SLC30A5: variants seen among roughly 807,000 people sequenced by gnomAD.
SLC30A5 encodes proton-coupled zinc antiporter SLC30A5.
Under a neutral mutation model 79.6 loss-of-function variants are expected in SLC30A5, and 33 were observed. The observed-to-expected ratio is 0.41, with a 90% confidence interval of 0.31 to 0.55. The LOEUF (loss-of-function observed/expected upper bound fraction) is 0.55, where lower values mean the gene tolerates loss of function less well. Among genes scored for constraint, SLC30A5 ranks in the 20% least tolerant of loss-of-function variants. The probability of loss-of-function intolerance (pLI) is 0.20; values close to 1 mark genes in which losing one functional copy is unlikely to be tolerated. For missense variants in SLC30A5, 788 were observed against 928.1 expected, an observed-to-expected ratio of 0.85 and a Z score of 1.96; for synonymous variants, 299 against 319.7, an observed-to-expected ratio of 0.94 and a Z score of 0.69.
rs1746340611 is a variant in SLC30A5 at position 69,115,413 on chromosome 5, A to T, written c.783+6A>T. On this transcript the variant is annotated splice_donor_region_variant and intron_variant, in intron 8 of 15. Transcript: ENST00000396591. ...TTCTTTCTGTGACAACTGAGGTAAGATAAGAGCAAGAATTTATTGGTATTA... is the reference window on the plus strand; with the variant it reads ...TTCTTTCTGTGACAACTGAGGTAAGTTAAGAGCAAGAATTTATTGGTATTA... The T allele has an allele frequency of 6.2e-7, 1 of 1,605,208 alleles. No individual in the cohort carries two copies. Among genetic ancestry groups the T allele is most frequent in the Admixed American group, 1.7e-5 (1 of 59,514 alleles).
rs74386912 is a variant in SLC30A5, at chr5:69,129,476, A to G, written c.2157A>G (p.Val719=). The stretch of plus-strand genomic sequence containing the variant: ...CAGGAATACTTAAAGATGCTGGAGT[A>G]AACAATTTAACAATTCAAGTGGAAA... ...QVTGILKDAG[V]NNLTIQVEKE... Residue 719 remains valine (V), a synonymous_variant, in exon 16 of 16, where the codon GTA becomes GTG. Coordinates refer to ENST00000396591, the MANE Select transcript of SLC30A5 (RefSeq NM_022902.5). The G allele has an allele frequency of 1.9e-3, 3,086 of 1,612,830 alleles. 57 individuals are homozygous for G. In the African/African-American group the frequency reaches 0.037, roughly 19 times the overall value.
In SLC30A5 at chr5:69,121,847, G is replaced by T. The variant is rs761204737; in HGVS notation, c.1723G>T (p.Gly575Cys). 6.2e-7 allele frequency: 1 copy of T among 1,613,706 alleles called. No homozygotes were observed. The highest frequency in any genetic ancestry group is 8.5e-7 in the Non-Finnish European group (1 of 1,179,878). The change falls in exon 13 of 16, where the codon GGT (glycine) becomes TGT (cysteine). Residue 575 changes from glycine (G) to cysteine (C), a missense_variant. Around this residue, in one of 3 missense-constraint regions of SLC30A5, gnomAD observed 626 missense variants for 755.5 expected, o/e 0.83. Transcript: ENST00000396591. ...GCATGGACACAGTGACCATGGGCAT[G>T]GTCACAGCCACGGATCTGCGGGTGG... ...HMHGHSDHGH[G>C]HSHGSAGGGM...
chr5:69,128,169 C>T, intron 15 of SLC30A5, 37 bp downstream of exon 15: 2 of 1,525,150 alleles, frequency 1.3e-6, no homozygotes, highest in Non-Finnish European at 1.8e-6. Context: ...TAATTGAGGT[C>T]ATTCATACCC....
In SLC30A5 at chr5:69,100,819, T is replaced by C; in HGVS notation, c.96T>C (p.Tyr32=). Reference sequence around the variant, plus strand: ...TTTTATTTTTCAGATTAACAAAATATATTGTGTTACTATGTTTCACTAAAT... The same window carrying C: ...TTTTATTTTTCAGATTAACAAAATACATTGTGTTACTATGTTTCACTAAAT... ...VDVPSARLTK[Y]IVLLCFTKFL... Residue 32 remains tyrosine, a synonymous_variant, in exon 2 of 16, where the codon TAT becomes TAC. Transcript: ENST00000396591. 1 of 1,597,796 alleles carries C rather than the reference T, an allele frequency of 6.3e-7. No individual in the cohort carries two copies. Among genetic ancestry groups the C allele is most frequent in the Non-Finnish European group, 8.6e-7 (1 of 1,168,478 alleles).
intron 4 of SLC30A5, 71 bp from the exon 5 acceptor site, chr5:69,108,278 C>T: frequency 8.5e-7 from 1 of 1,180,066 alleles, no homozygotes; most frequent in Non-Finnish European, 1.2e-6. Flanking sequence ...CTTTCTCTAA[C>T]TCTAGTTGAA....
At chr5:69,099,274 T>C (rs1561286159) in intron 1 of SLC30A5, among the ~76,000 whole-genome samples, 1 of 152,248 alleles carries the variant, frequency 6.6e-6, no homozygotes, top group African/African-American at 2.4e-5. Context: ...CCGTAATTGT[T>C]AATGTATCGT....
At chr5:69,115,197 G>A in intron 7 of SLC30A5, 40 bp from the exon 8 acceptor site, 1 of 1,206,640 alleles carries the variant, frequency 8.3e-7, no homozygotes, top group South Asian at 1.2e-5. Flanking sequence ...CTGTTGAACT[G>A]TGTGTGTTTC....
chr5:69,098,381 CCTG>C (rs1745808398), intron 1 of SLC30A5, among the ~76,000 whole-genome samples: 2 of 152,060 alleles, frequency 1.3e-5, no homozygotes, highest in Non-Finnish European at 2.9e-5. Flanking sequence ...CAAAAATTAG[CCTG>C]ACATGGTGGC....
At chr5:69,123,057 C>A (rs1746577617) in intron 13 of SLC30A5, 142 bp from the exon 14 acceptor site, 1 of 547,588 alleles carries the variant, frequency 1.8e-6, no homozygotes, top group Non-Finnish European at 3.1e-6. Context: ...AGGGCAGTGA[C>A]CATGTTTTAG....
At chr5:69,107,231 T>G (rs1179527261) in intron 4 of SLC30A5, among the ~76,000 whole-genome samples, 1 of 152,166 alleles carries the variant, frequency 6.6e-6, no homozygotes. Flanking sequence ...TTATCAATAT[T>G]ACTGTCTTCT....
Position 69,118,307 on chromosome 5 carries a change from A to ATG in SLC30A5, c.1440-188_1440-187dup, listed in dbSNP as rs1297345302. Reference sequence around the variant, plus strand: ...ATATTCATATATAACGTGTATATATATGTGTATATATATATATGTATATAT... The same window carrying ATG: ...ATATTCATATATAACGTGTATATATATGTGTGTATATATATATATGTATATAT... On this transcript the variant is annotated intron_variant, in intron 11 of 15. Transcript: ENST00000396591. 2.7e-4 allele frequency: 35 copies of ATG among 127,680 alleles called. 1 individual carries two copies. Among genetic ancestry groups the ATG allele is most frequent in the African/African-American group, 1.1e-3 (33 of 31,330 alleles). 7.9% of individuals were successfully genotyped at this position (127,680 alleles called of 1,614,324 possible).
chr5:69,101,128 A>G (rs1277642782), intron 2 of SLC30A5, among the ~76,000 whole-genome samples, 199 bp downstream of exon 2: 2 of 152,266 alleles, frequency 1.3e-5, no homozygotes, highest in East Asian at 3.9e-4. Flanking sequence ...GTTGTGCTCT[A>G]ATCACTTGCC....
At position 69,123,294 on chromosome 5, in the gene SLC30A5, C is replaced by T. The variant is rs1237175024; in HGVS notation, c.1867C>T (p.Pro623Ser). The T allele has an allele frequency of 1.2e-6, 2 of 1,613,834 alleles. No homozygotes were observed. The highest frequency in any genetic ancestry group is 1.7e-6 in the Non-Finnish European group (2 of 1,179,892). ...GCAGTTTGGATGGTTCATCGCTGAC[C>T]CACTCTGTTCTCTTTTTATTGCTAT... is the stretch of plus-strand genomic sequence containing the variant. ...IEQFGWFIAD[P>S]LCSLFIAILI... is the part of the protein sequence containing the mutation. The change falls in exon 14 of 16, where the codon CCA (proline) becomes TCA (serine). Residue 623 changes from proline (P) to serine (S), a missense_variant. Pro to Ser is a moderately conservative substitution (Grantham distance 74). This residue lies in a region of SLC30A5 where 4 missense variants were observed against 16.4 expected (regional missense o/e 0.24). Coordinates refer to ENST00000396591, the MANE Select transcript of SLC30A5 (RefSeq NM_022902.5).
At chr5:69,124,861 C>T (rs577929382) in intron 14 of SLC30A5, among the ~76,000 whole-genome samples, 1 of 152,180 alleles carries the variant, frequency 6.6e-6, no homozygotes, top group East Asian at 1.9e-4. Flanking sequence ...TGAGCCACTG[C>T]ACCCCGCCAG....
rs1746447714 is a variant in SLC30A5, at chr5:69,118,510, T to C, written c.1451T>C (p.Ile484Thr). Residue 484 changes from isoleucine (I) to threonine (T), a missense_variant, in exon 12 of 16, where the codon ATA becomes ACA. Ile to Thr is a moderately conservative substitution (Grantham distance 89, BLOSUM62 -1). Coordinates refer to ENST00000396591, the MANE Select transcript of SLC30A5 (RefSeq NM_022902.5). ...TTCTATGTTTTTAGGTACGGCCGAA[T>C]AGAAATTCTGTCTGGATTTATTAAT... is the stretch of plus-strand genomic sequence containing the variant. ...TRIFSYGYGR[I>T]EILSGFINGL... 1 of 1,598,502 alleles carries C rather than the reference T, an allele frequency of 6.3e-7. No individual in the cohort carries two copies. Among genetic ancestry groups the C allele is most frequent in the African/African-American group, 1.3e-5 (1 of 74,174 alleles).
At chr5:69,114,238 A>G (rs533186744) in intron 6 of SLC30A5, among the ~76,000 whole-genome samples, 182 bp from the exon 7 acceptor site, 1 of 152,330 alleles carries the variant, frequency 6.6e-6, no homozygotes, top group South Asian at 2.1e-4. Context: ...CCTGGAATTA[A>G]ATGTTAGATT....
At chr5:69,117,198 G>A in intron 10 of SLC30A5, 41 bp from the exon 11 acceptor site, 3 of 1,553,772 alleles carry the variant, frequency 1.9e-6, no homozygotes, top group South Asian at 1.1e-5. Flanking sequence ...TTGAAACAGT[G>A]CCCAACATAC....
intron 14 of SLC30A5, chr5:69,123,637 A>C: frequency 2.1e-6 from 1 of 481,284 alleles, no homozygotes; most frequent in South Asian, 2.4e-5. Flanking sequence ...AGGATATAAA[A>C]CAGGGACCGA....
chr5:69,126,008 C>T (rs888141507), intron 14 of SLC30A5, among the ~76,000 whole-genome samples: 1 of 151,922 alleles, frequency 6.6e-6, no homozygotes, highest in Non-Finnish European at 1.5e-5. Flanking sequence ...AAAAATCACA[C>T]CACTGTACTC....
Sources: gnomAD v4.1 joint callset for allele counts (sites outside exome capture counted in the v4.1 genomes callset) on GRCh38, gnomAD v4.1.1 for gene constraint, gnomAD v4.1.1 regional missense constraint, MANE v1.5 for transcripts, NCBI Gene and HGNC (gene_info 2026-07-23, HGNC 2026-07-21) for gene names.